PRKG1: variants seen among roughly 807,000 people sequenced by gnomAD.
PRKG1 encodes the protein cGMP-dependent protein kinase 1.
A neutral mutation model predicts 88.1 loss-of-function variants in PRKG1; 35 were observed. The ratio of observed to expected loss-of-function variants is 0.40; its 90% confidence interval spans 0.30 to 0.53. The LOEUF is 0.53. Ranked by LOEUF, PRKG1 falls within the 20% of genes least tolerant of loss-of-function variation. The probability of loss-of-function intolerance (pLI) is 0.59; values close to 1 mark genes in which losing one functional copy is unlikely to be tolerated. For synonymous variants in PRKG1, 303 were observed against 292.5 expected, an observed-to-expected ratio of 1.04 and a Z score of -0.37; for missense variants, 540 against 839.8, an observed-to-expected ratio of 0.64 and a Z score of 4.41.
intron 3 of PRKG1, among the ~76,000 whole-genome samples, chr10:51,793,298 A>T (rs1362021763): frequency 1.3e-5 from 2 of 152,066 alleles, no homozygotes; most frequent in Non-Finnish European, 2.9e-5. Flanking sequence ...GGAGAGCATC[A>T]GTGCAGAACA....
At chr10:52,091,388 A>G (rs1847052609) in intron 7 of PRKG1, among the ~76,000 whole-genome samples, 2 of 152,200 alleles carry the variant, frequency 1.3e-5, no homozygotes. Flanking sequence ...TCTTAAGATC[A>G]ACTGTGCCAT....
chr10:51,771,770 G>A (rs1411060251), intron 3 of PRKG1, among the ~76,000 whole-genome samples: 1 of 152,008 alleles, frequency 6.6e-6, no homozygotes, highest in Non-Finnish European at 1.5e-5. Context: ...TAGCACTTCA[G>A]GCAACTCCAG....
chr10:51,624,037 C>G (rs888326848), intron 3 of PRKG1, among the ~76,000 whole-genome samples: 1 of 152,148 alleles, frequency 6.6e-6, no homozygotes, highest in Non-Finnish European at 1.5e-5. Flanking sequence ...TGTCCATTAA[C>G]CACTCATATT....
intron 9 of PRKG1, among the ~76,000 whole-genome samples, chr10:52,213,599 G>C (rs193201465): frequency 2.6e-4 from 39 of 152,296 alleles, no homozygotes; most frequent in Middle Eastern, 3.4e-3. Flanking sequence ...CACTGGACTT[G>C]TGGGGATTGG....
intron 4 of PRKG1, among the ~76,000 whole-genome samples, chr10:51,843,116 T>TTTTTTTTTTTTTA (rs1840319813): frequency 6.8e-6 from 1 of 146,156 alleles, no homozygotes. Flanking sequence ...TTTTTTTTTT[T>TTTTTTTTTTTTTA]GAGACGGAGT....
chr10:52,119,355 T>G (rs1364121966), intron 7 of PRKG1, among the ~76,000 whole-genome samples: 1 of 152,180 alleles, frequency 6.6e-6, no homozygotes, highest in Non-Finnish European at 1.5e-5. Context: ...TTTCTCAAGG[T>G]CATATACCAA....
At chr10:51,374,091 A>ATATAT (rs1554801042) in intron 2 of PRKG1, among the ~76,000 whole-genome samples, 7 of 64,830 alleles carry the variant, frequency 1.1e-4, no homozygotes, top group East Asian at 6.6e-4. Context: ...GCAAAAAAAA[A>ATATAT]AAATATATAT....
At chr10:51,564,145 T>C (rs186559731) in intron 3 of PRKG1, among the ~76,000 whole-genome samples, 1 of 152,212 alleles carries the variant, frequency 6.6e-6, no homozygotes, top group Admixed American at 6.6e-5. Flanking sequence ...GAAATCATTA[T>C]TGCATACCTA....
chr10:51,101,827 A>C (rs1368268317), intron 1 of PRKG1, among the ~76,000 whole-genome samples: 1 of 152,172 alleles, frequency 6.6e-6, no homozygotes, highest in Non-Finnish European at 1.5e-5. Context: ...AGAAAACATA[A>C]GGACTGGAGT....
intron 4 of PRKG1, among the ~76,000 whole-genome samples, chr10:51,833,826 G>A (rs1222234133): frequency 6.6e-6 from 1 of 152,094 alleles, no homozygotes; most frequent in African/African-American, 2.4e-5. Flanking sequence ...TTTACTTGTT[G>A]ACCAATGTCT....
chr10:51,376,537 G>T (rs1450799364), intron 2 of PRKG1, among the ~76,000 whole-genome samples: 7 of 151,846 alleles, frequency 4.6e-5, no homozygotes, highest in African/African-American at 4.8e-5. Context: ...ACCTTTTTTT[G>T]TATTTTAAAT....
intron 12 of PRKG1, among the ~76,000 whole-genome samples, chr10:52,276,572 C>T (rs183413326): frequency 2.0e-5 from 3 of 152,216 alleles, no homozygotes; most frequent in Admixed American, 6.5e-5. Flanking sequence ...CATCTAACTG[C>T]CATCTAGCTT....
At chr10:51,273,773 G>C (rs907501760) in intron 2 of PRKG1, among the ~76,000 whole-genome samples, 1 of 152,190 alleles carries the variant, frequency 6.6e-6, no homozygotes, top group East Asian at 1.9e-4. Flanking sequence ...TTCCTCATCA[G>C]ATGAATCCTG....
intron 3 of PRKG1, among the ~76,000 whole-genome samples, chr10:51,605,460 G>C (rs1373945999): frequency 1.3e-5 from 2 of 152,108 alleles, no homozygotes; most frequent in African/African-American, 4.8e-5. Context: ...CTTATCCTGG[G>C]AAACAGACAT....
At chr10:51,532,390 G>T (rs1458419013) in intron 3 of PRKG1, among the ~76,000 whole-genome samples, 1 of 152,160 alleles carries the variant, frequency 6.6e-6, no homozygotes, top group East Asian at 1.9e-4. Flanking sequence ...TATATCATTT[G>T]ACTTCCCTGA....
Position 51,296,822 on chromosome 10 carries a change from A to G in PRKG1, c.478+143492A>G, listed in dbSNP as rs531054567. The stretch of plus-strand genomic sequence containing the variant: ...GCATTTATGTTGTATTTTTGTTTTC[A>G]TTTGCTCTGAAATTAAACCTAGTTA... On this transcript the variant is annotated intron_variant, in intron 2 of 17. Transcript: ENST00000373980. 6.6e-5 allele frequency among the ~76,000 whole-genome samples: 10 copies of G among 151,652 alleles called. No homozygotes were observed. The South Asian group carries it at 2.1e-3, about 32-fold the overall frequency.
At chr10:51,752,387 C>A (rs1837749846) in intron 3 of PRKG1, among the ~76,000 whole-genome samples, 1 of 152,146 alleles carries the variant, frequency 6.6e-6, no homozygotes, top group Non-Finnish European at 1.5e-5. Flanking sequence ...CTCTAATCTC[C>A]AAATATTAGA....
intron 1 of PRKG1, among the ~76,000 whole-genome samples, chr10:51,045,702 A>T (rs1843480956): frequency 6.6e-6 from 1 of 152,136 alleles, no homozygotes; most frequent in Admixed American, 6.5e-5. Context: ...TCACCATAAA[A>T]CTTCGTGTTT....
chr10:51,298,188 A>T (rs1385360110), intron 2 of PRKG1, among the ~76,000 whole-genome samples: 2 of 152,154 alleles, frequency 1.3e-5, no homozygotes, highest in Non-Finnish European at 2.9e-5. Flanking sequence ...ATTAATTATG[A>T]TGTCCAAATT....
Sources: allele counts gnomAD v4.1 joint callset (sites outside exome capture counted in the v4.1 genomes callset), GRCh38; gene constraint gnomAD v4.1.1; transcripts MANE v1.5; gene names NCBI Gene and HGNC (gene_info 2026-07-23, HGNC 2026-07-21).